The following ANKS1A variants were observed in gnomAD, a reference collection of about 807,000 sequenced individuals.
The protein encoded by ANKS1A is ankyrin repeat and SAM domain-containing protein 1A.
A neutral mutation model predicts 120.3 loss-of-function variants in ANKS1A; 55 were observed. The observed-to-expected ratio is 0.46, with a 90% CI of 0.37 to 0.57. ANKS1A has a LOEUF of 0.57. ANKS1A is among the 20% of genes least tolerant of loss of function. The pLI is 0.00. For missense variants in ANKS1A, 1,123 were observed against 1,480.3 expected, an observed-to-expected ratio of 0.76 and a Z score of 3.96; for synonymous variants, 590 against 604.7, an observed-to-expected ratio of 0.98 and a Z score of 0.36.
At chr6:34,902,466 T>C (rs1456313751) in intron 1 of ANKS1A, among the ~76,000 whole-genome samples, 2 of 152,238 alleles carry the variant, frequency 1.3e-5, no homozygotes, top group Admixed American at 6.5e-5. Context: ...CAGGCTGGTC[T>C]GGGACTCCTG....
intron 1 of ANKS1A, among the ~76,000 whole-genome samples, chr6:34,919,607 G>C (rs896575519): frequency 4.6e-5 from 7 of 152,160 alleles, no homozygotes; most frequent in African/African-American, 1.7e-4. Context: ...GTGGTGAAGT[G>C]CCTAGACTCT....
chr6:34,978,519 A>G (rs1003448571), intron 3 of ANKS1A, among the ~76,000 whole-genome samples: 1 of 152,126 alleles, frequency 6.6e-6, no homozygotes, highest in African/African-American at 2.4e-5. Context: ...ATAGTTTCCT[A>G]GGCCTGCGAG....
intron 11 of ANKS1A, among the ~76,000 whole-genome samples, chr6:35,051,788 CAT>C (rs1164415615): frequency 6.6e-5 from 10 of 152,160 alleles, no homozygotes; most frequent in Admixed American, 6.5e-5. Context: ...AATTTTGAAT[CAT>C]GTGAATGTAT....
intron 13 of ANKS1A, among the ~76,000 whole-genome samples, chr6:35,064,742 C>T (rs1013274554): frequency 1.2e-4 from 19 of 152,236 alleles, no homozygotes; most frequent in Non-Finnish European, 4.4e-5. Context: ...CGAGCTGCCA[C>T]TGGGCACCAT....
intron 7 of ANKS1A, among the ~76,000 whole-genome samples, chr6:34,984,002 G>C (rs1375260445): frequency 6.6e-6 from 1 of 152,054 alleles, no homozygotes; most frequent in Non-Finnish European, 1.5e-5. Flanking sequence ...CACCATGTTG[G>C]CCAGGCTGGC....
intron 11 of ANKS1A, among the ~76,000 whole-genome samples, chr6:35,037,258 C>T (rs1775223195): frequency 6.6e-6 from 1 of 152,164 alleles, no homozygotes; most frequent in Non-Finnish European, 1.5e-5. Context: ...TGCTAGCAGC[C>T]ATTACTGTTG....
intron 13 of ANKS1A, 98 bp from the exon 14 acceptor site, chr6:35,078,460 A>G: frequency 9.5e-7 from 1 of 1,056,306 alleles, no homozygotes; most frequent in South Asian, 1.3e-5. Flanking sequence ...GCAGTGAAGG[A>G]GAATTTGGTG....
chr6:35,087,174 C>A (rs1023688489), intron 23 of ANKS1A, 125 bp downstream of exon 23: 7 of 951,196 alleles, frequency 7.4e-6, no homozygotes, highest in Non-Finnish European at 9.8e-6. Flanking sequence ...CAAGGCCCCA[C>A]CTGCACTGGG....
At chr6:35,039,292 G>C (rs563678961) in intron 11 of ANKS1A, among the ~76,000 whole-genome samples, 4 of 145,848 alleles carry the variant, frequency 2.7e-5, no homozygotes, top group African/African-American at 7.7e-5. Context: ...TCCGCCTCCT[G>C]GGTTCAAGCG....
intron 7 of ANKS1A, among the ~76,000 whole-genome samples, chr6:34,983,790 AT>A (rs11348002): frequency 0.12 from 16,283 of 136,602 alleles, 1,127 homozygotes; most frequent in African/African-American, 0.25. Flanking sequence ...CGAGTAATAA[AT>A]TTTTTTTTTT....
chr6:34,981,869 C>A lies in ANKS1A; in HGVS notation c.615C>A (p.His205Gln). The change falls in exon 4 of 24, where the codon CAC becomes CAA. Residue 205 changes from histidine (H) to glutamine (Q), a missense_variant. This residue lies in a region of ANKS1A where 146 missense variants were observed against 267.8 expected (regional missense o/e 0.55). Transcript: ENST00000360359. ...TGGTGAAAATGCTCCTTAATGCACA[C>A]CCCAACCTCCTGAGCTGCAACACTA... ...LEVVKMLLNAHPNLLSCNTKK... is the reference protein window; with the variant it reads ...LEVVKMLLNAQPNLLSCNTKK... 4 of 1,614,144 alleles carry A rather than the reference C, an allele frequency of 2.5e-6. No individual in the cohort carries two copies. Among genetic ancestry groups the A allele is most frequent in the South Asian group, 1.1e-5 (1 of 91,076 alleles).
intron 13 of ANKS1A, among the ~76,000 whole-genome samples, chr6:35,073,596 C>T (rs1204402434): frequency 6.6e-6 from 1 of 152,224 alleles, no homozygotes; most frequent in Non-Finnish European, 1.5e-5. Context: ...TTTCAGATGT[C>T]ACTTGGAGTT....
intron 1 of ANKS1A, among the ~76,000 whole-genome samples, chr6:34,914,716 T>A (rs1210884746): frequency 1.3e-5 from 2 of 152,218 alleles, no homozygotes; most frequent in Non-Finnish European, 2.9e-5. Flanking sequence ...GTGTTATTGA[T>A]TCTTCAGTTT....
chr6:34,906,225 A>G (rs9296139), intron 1 of ANKS1A, among the ~76,000 whole-genome samples: 46,341 of 151,962 alleles, frequency 0.3, 9,859 homozygotes, highest in African/African-American at 0.58. Flanking sequence ...GTGTCTTAAA[A>G]CATCTGCAGA....
chr6:35,035,462 A>G (rs1175591094), intron 11 of ANKS1A, among the ~76,000 whole-genome samples: 1 of 152,192 alleles, frequency 6.6e-6, no homozygotes, highest in South Asian at 2.1e-4. Context: ...AGTTGTTTAT[A>G]TGTAAAAGCA....
intron 1 of ANKS1A, among the ~76,000 whole-genome samples, chr6:34,931,867 A>G (rs1768998664): frequency 6.6e-6 from 1 of 152,248 alleles, no homozygotes; most frequent in Non-Finnish European, 1.5e-5. Context: ...GTTGGTGAGT[A>G]AGAAGTACAA....
At chr6:35,009,182 T>G (rs970051483) in intron 10 of ANKS1A, among the ~76,000 whole-genome samples, 4 of 152,262 alleles carry the variant, frequency 2.6e-5, no homozygotes, top group Admixed American at 1.3e-4. Flanking sequence ...GAGGCGGGAA[T>G]GCCCTAAAGT....
intron 11 of ANKS1A, among the ~76,000 whole-genome samples, chr6:35,036,219 G>C (rs1775161637): frequency 6.6e-6 from 1 of 152,170 alleles, no homozygotes; most frequent in Non-Finnish European, 1.5e-5. Flanking sequence ...GAAGGGTCTG[G>C]GGCTGAGGAC....
chr6:34,952,592 CTT>C (rs768206445), intron 1 of ANKS1A, among the ~76,000 whole-genome samples: 4 of 152,126 alleles, frequency 2.6e-5, no homozygotes, highest in East Asian at 3.8e-4. Context: ...ACAAAAGAAA[CTT>C]TGCTTTTTCT....
Sources: gnomAD v4.1 joint callset for allele counts (sites outside exome capture counted in the v4.1 genomes callset) on GRCh38, gnomAD v4.1.1 for gene constraint, gnomAD v4.1.1 regional missense constraint, MANE v1.5 for transcripts, NCBI Gene and HGNC (gene_info 2026-07-23, HGNC 2026-07-21) for gene names.